Variants in ADAM19 observed in about 807,000 individuals in gnomAD.
The protein encoded by ADAM19 is ADAM metallopeptidase domain 19.
ADAM19 carries 65 observed loss-of-function variants against 114.7 expected under a neutral mutation model. That is an observed-to-expected ratio of 0.57 (90% CI 0.46 to 0.70). The LOEUF (loss-of-function observed/expected upper bound fraction) is 0.70. ADAM19 is among the 30% of genes least tolerant of loss of function. The pLI is 0.00. For synonymous variants in ADAM19, 466 were observed against 460.5 expected, an observed-to-expected ratio of 1.01 and a Z score of -0.15; for missense variants, 1,063 against 1,204.7, an observed-to-expected ratio of 0.88 and a Z score of 1.74.
intron 13 of ADAM19, among the ~76,000 whole-genome samples, chr5:157,497,829 C>G (rs1581300966): frequency 6.6e-6 from 1 of 152,170 alleles, no homozygotes. Context: ...CCTGGGTAGT[C>G]GGTGTTACTA....
In ADAM19 at chr5:157,570,442, A is replaced by C. The variant is rs137934884; in HGVS notation, c.180+453T>G. ...TGTTCTGGCCAGGGGAGCCTACTGG[A>C]TTTTAAGATACATTCCCCAGTACTA... On this transcript the variant is annotated intron_variant, in intron 2 of 22. Transcript: ENST00000257527. 69 of 153,862 alleles carry C rather than the reference A, an allele frequency of 4.5e-4. No individual in the cohort carries two copies. The East Asian group carries it at 0.012, about 27-fold the overall frequency. 9.5% of individuals were successfully genotyped at this position (153,862 alleles called of 1,614,324 possible).
intron 3 of ADAM19, among the ~76,000 whole-genome samples, chr5:157,542,811 T>C (rs1404236368): frequency 6.6e-6 from 1 of 152,140 alleles, no homozygotes; most frequent in Admixed American, 6.5e-5. Flanking sequence ...TCTCAAAACA[T>C]TAAATTAAAA....
chr5:157,490,581 T>C, intron 18 of ADAM19, 127 bp from the exon 19 acceptor site: 1 of 1,186,554 alleles, frequency 8.4e-7, no homozygotes, highest in Non-Finnish European at 1.2e-6. Context: ...TTATTTTAAC[T>C]TACAAATTAT....
At chr5:157,567,065 A>G (rs1023536292) in intron 2 of ADAM19, among the ~76,000 whole-genome samples, 7 of 152,198 alleles carry the variant, frequency 4.6e-5, no homozygotes, top group African/African-American at 1.7e-4. Context: ...TACTTCTTGC[A>G]TGTCTGAGAA....
At chr5:157,497,593 A>ACACACACACATACC (rs1755407183) in intron 13 of ADAM19, among the ~76,000 whole-genome samples, 1 of 152,028 alleles carries the variant, frequency 6.6e-6, no homozygotes, top group African/African-American at 2.4e-5. Context: ...ACACACACAC[A>ACACACACACATACC]CACACAAAAC....
intron 3 of ADAM19, among the ~76,000 whole-genome samples, chr5:157,556,367 C>T (rs1757369266): frequency 6.6e-6 from 1 of 151,742 alleles, no homozygotes; most frequent in Admixed American, 6.6e-5. Flanking sequence ...TACAGGGGCG[C>T]ACCACCATGC....
Position 157,531,622 on chromosome 5 carries a change from G to T in ADAM19, c.331-739C>A, listed in dbSNP as rs1756626990. On this transcript the variant is annotated intron_variant, in intron 4 of 22. Transcript: ENST00000257527. ...ATGGAGGCTGCGGTGAGCCAAGATC[G>T]CACCATTGCACTCCAGCCTGGGCGA... 2.0e-5 allele frequency among the ~76,000 whole-genome samples: 3 copies of T among 151,396 alleles called. No homozygotes were observed. The South Asian group carries it at 6.2e-4, about 32-fold the overall frequency.
intron 3 of ADAM19, among the ~76,000 whole-genome samples, chr5:157,554,595 CA>C (rs1757313543): frequency 6.6e-6 from 1 of 152,200 alleles, no homozygotes; most frequent in South Asian, 2.1e-4. Context: ...AATTTCCTCC[CA>C]GGGGCAATGG....
In ADAM19 at chr5:157,481,949, G is replaced by A; in HGVS notation, c.2551-6C>T. Reference sequence around the variant, plus strand: ...GGCCGAGGCCTGGAGAAGTCCTGGAGAGAAAGCAATAAGCCTCACTTGAAG... The same window carrying A: ...GGCCGAGGCCTGGAGAAGTCCTGGAAAGAAAGCAATAAGCCTCACTTGAAG... On this transcript the variant is annotated splice_region_variant and splice_polypyrimidine_tract_variant and intron_variant, in intron 21 of 22. Transcript: ENST00000257527. 6.3e-7 allele frequency: 1 copy of A among 1,585,284 alleles called. No homozygotes were observed. Among genetic ancestry groups the A allele is most frequent in the Non-Finnish European group, 8.6e-7 (1 of 1,165,776 alleles).
intron 2 of ADAM19, chr5:157,566,800 C>T (rs957967476): frequency 3.3e-5 from 5 of 152,170 alleles, no homozygotes; most frequent in African/African-American, 1.2e-4. Flanking sequence ...TACTGAGTAG[C>T]TGGGACCACA....
At chr5:157,491,392 C>A (rs1755149489) in intron 18 of ADAM19, among the ~76,000 whole-genome samples, 1 of 152,238 alleles carries the variant, frequency 6.6e-6, no homozygotes, top group African/African-American at 2.4e-5. Flanking sequence ...GCGGGCTCCC[C>A]CTCCTCAGTA....
intron 3 of ADAM19, among the ~76,000 whole-genome samples, chr5:157,543,742 C>A (rs192439072): frequency 1.3e-5 from 2 of 151,874 alleles, no homozygotes; most frequent in South Asian, 2.1e-4. Context: ...CTAGGTGATA[C>A]GGTGCAAGTC....
At chr5:157,502,637 C>T (rs1173918416) in intron 12 of ADAM19, among the ~76,000 whole-genome samples, 166 bp downstream of exon 12, 4 of 152,246 alleles carry the variant, frequency 2.6e-5, no homozygotes, top group Non-Finnish European at 5.9e-5. Context: ...GGCACAAACA[C>T]TCCAACTGGA....
At chr5:157,553,823 G>A (rs190436260) in intron 3 of ADAM19, among the ~76,000 whole-genome samples, 6 of 152,246 alleles carry the variant, frequency 3.9e-5, no homozygotes, top group African/African-American at 1.4e-4. Context: ...GTCTATAAAT[G>A]TGCTCATGTG....
At chr5:157,546,921 G>A (rs567406008) in intron 3 of ADAM19, among the ~76,000 whole-genome samples, 39 of 152,292 alleles carry the variant, frequency 2.6e-4, no homozygotes, top group African/African-American at 7.5e-4. Flanking sequence ...AACAAAAGCC[G>A]GTTTCAGAAT....
At chr5:157,507,310 C>T (rs897133262) in intron 9 of ADAM19, among the ~76,000 whole-genome samples, 170 bp from the exon 10 acceptor site, 2 of 152,218 alleles carry the variant, frequency 1.3e-5, no homozygotes, top group East Asian at 1.9e-4. Flanking sequence ...TTCCAGCTCA[C>T]CACACCTCTC....
chr5:157,554,732 C>T (rs1452941088), intron 3 of ADAM19, among the ~76,000 whole-genome samples: 2 of 152,210 alleles, frequency 1.3e-5, no homozygotes, highest in Non-Finnish European at 2.9e-5. Flanking sequence ...ATTGTGCTCT[C>T]ATAGTGCACC....
chr5:157,513,620 T>C, intron 7 of ADAM19, 115 bp from the exon 8 acceptor site: 1 of 935,986 alleles, frequency 1.1e-6, no homozygotes, highest in Admixed American at 2.0e-5. Flanking sequence ...CTATGAGCCA[T>C]CATTTTTATG....
At chr5:157,546,920 C>T (rs535317629) in intron 3 of ADAM19, among the ~76,000 whole-genome samples, 4 of 152,176 alleles carry the variant, frequency 2.6e-5, no homozygotes, top group Non-Finnish European at 4.4e-5. Context: ...CAACAAAAGC[C>T]GGTTTCAGAA....
Sources: allele counts gnomAD v4.1 joint callset (sites outside exome capture counted in the v4.1 genomes callset), GRCh38; gene constraint gnomAD v4.1.1; transcripts MANE v1.5; gene names NCBI Gene and HGNC (gene_info 2026-07-23, HGNC 2026-07-21).